The following GALNT13 variants were observed in gnomAD, a reference collection of about 807,000 sequenced individuals.
GALNT13 encodes the protein polypeptide N-acetylgalactosaminyltransferase 13.
A neutral mutation model predicts 64.2 loss-of-function variants in GALNT13; 28 were observed. That is an observed-to-expected ratio of 0.44 (90% CI 0.32 to 0.60). The LOEUF is 0.60. Among genes scored for constraint, GALNT13 ranks in the 20% least tolerant of loss-of-function variants. The pLI is 0.05. For missense variants in GALNT13, 577 were observed against 669.8 expected (o/e 0.86, Z 1.53); for synonymous variants, 214 against 224.6 (o/e 0.95, Z 0.42).
intron 3 of GALNT13, among the ~76,000 whole-genome samples, chr2:154,098,321 T>C (rs1021646820): frequency 1.3e-5 from 2 of 151,936 alleles, no homozygotes; most frequent in East Asian, 3.9e-4. Context: ...CTCCTTCTAT[T>C]ATAAAACCTT....
intron 3 of GALNT13, among the ~76,000 whole-genome samples, chr2:154,133,531 A>ATT (rs1434776560): frequency 9.3e-4 from 61 of 65,694 alleles, no homozygotes; most frequent in South Asian, 1.6e-3. Flanking sequence ...ATAACAGACC[A>ATT]TTTTATATAT....
chr2:153,565,092 A>G, the GALNT13 span, among the ~76,000 whole-genome samples: 1 of 152,168 alleles, frequency 6.6e-6, no homozygotes, highest in African/African-American at 2.4e-5. Context: ...GCTGAAGTGG[A>G]GTACCCATCT....
At chr2:153,487,548 T>A in the GALNT13 span, among the ~76,000 whole-genome samples, 3 of 152,252 alleles carry the variant, frequency 2.0e-5, no homozygotes, top group African/African-American at 7.2e-5. Flanking sequence ...TTCCAGAAAT[T>A]AGGGAAGCAG....
At chr2:153,419,014 C>T in the GALNT13 span, among the ~76,000 whole-genome samples, 1 of 152,198 alleles carries the variant, frequency 6.6e-6, no homozygotes, top group East Asian at 1.9e-4. Context: ...AAAGAAACAA[C>T]TATTAATTCA....
intron 3 of GALNT13, among the ~76,000 whole-genome samples, chr2:154,028,420 A>G (rs1461824499): frequency 6.6e-6 from 1 of 152,118 alleles, no homozygotes; most frequent in East Asian, 1.9e-4. Context: ...TTCCCCAAGC[A>G]TAAAATTTTA....
the GALNT13 span, among the ~76,000 whole-genome samples, chr2:153,718,996 C>T: frequency 6.6e-6 from 1 of 152,154 alleles, no homozygotes; most frequent in Admixed American, 6.5e-5. Context: ...GGATTTTCCA[C>T]TGGTCATCAT....
the GALNT13 span, among the ~76,000 whole-genome samples, chr2:153,128,390 C>G: frequency 6.6e-6 from 1 of 152,010 alleles, no homozygotes; most frequent in African/African-American, 2.4e-5. Context: ...TTAAAACCAT[C>G]ATATCTTGTG....
the GALNT13 span, among the ~76,000 whole-genome samples, chr2:153,574,789 C>A: frequency 6.8e-6 from 1 of 147,984 alleles, no homozygotes; most frequent in Non-Finnish European, 1.5e-5. Context: ...TCTTGAATTT[C>A]TTTGAGTTTC....
At chr2:154,449,698 A>G (rs1701784521) in intron 12 of GALNT13, among the ~76,000 whole-genome samples, 2 of 151,938 alleles carry the variant, frequency 1.3e-5, no homozygotes, top group Non-Finnish European at 2.9e-5. Flanking sequence ...AATGTACGTA[A>G]AAATGCCAAA....
At chr2:154,316,466 A>G (rs1217058015) in intron 9 of GALNT13, among the ~76,000 whole-genome samples, 1 of 152,168 alleles carries the variant, frequency 6.6e-6, no homozygotes, top group Non-Finnish European at 1.5e-5. Context: ...TAAGTTTTCA[A>G]TTTTTCAAAG....
At chr2:153,709,028 C>T in the GALNT13 span, among the ~76,000 whole-genome samples, 1 of 151,874 alleles carries the variant, frequency 6.6e-6, no homozygotes, top group East Asian at 1.9e-4. Context: ...ACCTTTAAAG[C>T]TACTAGAAGA....
chr2:153,597,287 A>G, the GALNT13 span, among the ~76,000 whole-genome samples: 3 of 152,240 alleles, frequency 2.0e-5, no homozygotes, highest in South Asian at 2.1e-4. Context: ...GCTCAGAGCA[A>G]CTGCACAGAT....
At chr2:153,874,481 A>G (rs1686219712) in intron 1 of GALNT13, among the ~76,000 whole-genome samples, 1 of 152,072 alleles carries the variant, frequency 6.6e-6, no homozygotes, top group East Asian at 1.9e-4. Flanking sequence ...TAAAGGAATT[A>G]TAGGGTACTG....
chr2:153,462,845 C>T, the GALNT13 span, among the ~76,000 whole-genome samples: 1 of 152,050 alleles, frequency 6.6e-6, no homozygotes, highest in Non-Finnish European at 1.5e-5. Flanking sequence ...ATAGGCTAAG[C>T]CAGAATACTG....
the GALNT13 span, among the ~76,000 whole-genome samples, chr2:153,634,164 A>G: frequency 6.6e-6 from 1 of 152,212 alleles, no homozygotes; most frequent in Admixed American, 6.5e-5. Context: ...ATTATTTAGT[A>G]AATGAGTCAC....
the GALNT13 span, among the ~76,000 whole-genome samples, chr2:153,482,389 T>TTTA: frequency 6.6e-6 from 1 of 152,236 alleles, no homozygotes; most frequent in African/African-American, 2.4e-5. Context: ...GCAGTCTAAA[T>TTTA]GGCAAGTAGA....
chr2:153,119,980 G>A, the GALNT13 span, among the ~76,000 whole-genome samples: 6 of 151,986 alleles, frequency 3.9e-5, no homozygotes, highest in Non-Finnish European at 5.9e-5. Flanking sequence ...ATTTTTCTTG[G>A]AATGCTTCTC....
At chr2:153,574,221 G>A in the GALNT13 span, among the ~76,000 whole-genome samples, 1 of 151,134 alleles carries the variant, frequency 6.6e-6, no homozygotes, top group African/African-American at 2.4e-5. Context: ...TTTTCCAGAG[G>A]TATTGGAAAT....
chr2:153,091,289 G>A, the GALNT13 span, among the ~76,000 whole-genome samples: 1 of 152,072 alleles, frequency 6.6e-6, no homozygotes, highest in Non-Finnish European at 1.5e-5. Context: ...GACTCAGAGT[G>A]TTTGCAAGGC....
Sources: allele counts gnomAD v4.1 joint callset (sites outside exome capture counted in the v4.1 genomes callset), GRCh38; gene constraint gnomAD v4.1.1; transcripts MANE v1.5; gene names NCBI Gene and HGNC (gene_info 2026-07-23, HGNC 2026-07-21).